The following DENND6B variants were observed in gnomAD, a reference collection of about 807,000 sequenced individuals.
DENND6B encodes the protein DENN domain containing 6B.
In DENND6B, 73 loss-of-function variants were observed where a neutral mutation model predicts 85.1. The ratio of observed to expected loss-of-function variants is 0.86; its 90% CI spans 0.71 to 1.04. DENND6B has a LOEUF of 1.04. Among genes scored for constraint, DENND6B ranks in the 50% least tolerant of loss-of-function variants. The pLI is 0.00. For synonymous variants in DENND6B, 357 were observed against 329.3 expected (o/e 1.08, Z -0.91); for missense variants, 715 against 785.8 (o/e 0.91, Z 1.08).
At chr22:50,313,308 C>T in intron 16 of DENND6B, 138 bp downstream of exon 16, 1 of 1,285,550 alleles carries the variant, frequency 7.8e-7, no homozygotes, top group Non-Finnish European at 1.1e-6. Flanking sequence ...CCTGTGGCCC[C>T]CAGTTTCACA....
At chr22:50,322,854 T>TA (rs1316620873) in intron 1 of DENND6B, among the ~76,000 whole-genome samples, 4 of 141,168 alleles carry the variant, frequency 2.8e-5, no homozygotes, top group African/African-American at 1.0e-4. Context: ...CCAGCCTTAT[T>TA]TTTTTTTTTT....
chr22:50,314,340 C>CG (rs2041708146), intron 12 of DENND6B, 60 bp downstream of exon 12: 4 of 1,580,724 alleles, frequency 2.5e-6, no homozygotes, highest in Non-Finnish European at 3.4e-6. Flanking sequence ...GGCTCTGAGG[C>CG]GGCCCCACAC....
At chr22:50,318,599 G>T (rs897203775) in intron 3 of DENND6B, among the ~76,000 whole-genome samples, 4 of 152,164 alleles carry the variant, frequency 2.6e-5, no homozygotes, top group African/African-American at 9.7e-5. Context: ...ACTGTGTGGG[G>T]TGTAGGAGAC....
At position 50,320,806 on chromosome 22, in the gene DENND6B, G is replaced by C. The variant is rs965200607; in HGVS notation, c.178-1803C>G. ...TCAGGACTCTGCACCTGGTCTGCCA[G>C]TCACAGGAGCCTGTGGCCTCTGAGC... On this transcript the variant is annotated intron_variant, in intron 1 of 19. Coordinates refer to ENST00000413817, the MANE Select transcript of DENND6B (RefSeq NM_001001794.4). 1.3e-5 allele frequency among the ~76,000 whole-genome samples: 2 copies of C among 152,232 alleles called. 1 individual carries two copies. The highest frequency in any genetic ancestry group is 4.1e-4 in the South Asian group (2 of 4,830).
chr22:50,326,760 C>T (rs1448382032), intron 1 of DENND6B, 52 bp downstream of exon 1: 5 of 1,316,258 alleles, frequency 3.8e-6, no homozygotes, highest in South Asian at 2.0e-5. Context: ...GGACTGGCCC[C>T]GAGAGGCGCA....
At chr22:50,315,674 A>G (rs1383975206) in intron 9 of DENND6B, 40 bp downstream of exon 9, 3 of 1,552,528 alleles carry the variant, frequency 1.9e-6, no homozygotes, top group Non-Finnish European at 2.6e-6. Flanking sequence ...ACACACAGTG[A>G]GCTCCTCAAA....
intron 13 of DENND6B, 36 bp from the exon 14 acceptor site, chr22:50,313,914 A>G: frequency 6.3e-7 from 1 of 1,579,300 alleles, no homozygotes; most frequent in South Asian, 1.2e-5. Flanking sequence ...CCACCCTTCA[A>G]GGGCCTCCCT....
At chr22:50,325,600 G>A (rs1438549668) in intron 1 of DENND6B, among the ~76,000 whole-genome samples, 2 of 152,158 alleles carry the variant, frequency 1.3e-5, no homozygotes, top group African/African-American at 2.4e-5. Flanking sequence ...CTCTCAAAGT[G>A]CTGGGATTAC....
rs754468388 is a variant in DENND6B, at chr22:50,316,258, G to A, written c.560-5C>T. 2.0e-5 allele frequency: 32 copies of A among 1,596,432 alleles called. No individual in the cohort carries two copies. In the South Asian group the frequency reaches 2.8e-4, roughly 14 times the overall value. ...ACTGGTCGATCTCACTGCACACTGC[G>A]GATGCAGTAGCCCGCATCAGGACCC... is the stretch of plus-strand genomic sequence containing the variant. On this transcript the variant is annotated splice_region_variant and splice_polypyrimidine_tract_variant and intron_variant, in intron 6 of 19. Coordinates refer to ENST00000413817, the MANE Select transcript of DENND6B (RefSeq NM_001001794.4).
chr22:50,322,852 A>T (rs141923636), intron 1 of DENND6B, among the ~76,000 whole-genome samples: 8 of 140,816 alleles, frequency 5.7e-5, no homozygotes, highest in Admixed American at 3.6e-4. Context: ...GCCCAGCCTT[A>T]TTTTTTTTTT....
chr22:50,313,375 C>A, intron 16 of DENND6B, 71 bp downstream of exon 16: 2 of 1,513,728 alleles, frequency 1.3e-6, no homozygotes, highest in Non-Finnish European at 8.9e-7. Context: ...CTGCTCCAGA[C>A]CTTCCCTCCT....
intron 1 of DENND6B, among the ~76,000 whole-genome samples, chr22:50,322,718 T>C (rs1471822778): frequency 1.3e-5 from 2 of 152,024 alleles, no homozygotes; most frequent in African/African-American, 2.4e-5. Context: ...GGCTAATTTT[T>C]TGTATTTTTA....
Position 50,310,181 on chromosome 22 carries a change from T to C in DENND6B, c.*1958A>G, listed in dbSNP as rs535633439. Reference sequence around the variant, plus strand: ...CTCAGTGGGGAGGCTGGTCCCCCTGTGCTACAGTCAGGAGGCCCAAGCTGC... The same window carrying C: ...CTCAGTGGGGAGGCTGGTCCCCCTGCGCTACAGTCAGGAGGCCCAAGCTGC... On this transcript the variant is annotated 3_prime_UTR_variant, in exon 20 of 20. Transcript: ENST00000413817. 8 of 152,368 alleles carry C rather than the reference T, an allele frequency of 5.3e-5. No homozygotes were observed. The East Asian group carries it at 1.5e-3, about 29-fold the overall frequency. The allele number at this position is 152,368 out of a possible 1,614,324, so 9.4% of individuals were successfully genotyped here. A position where few individuals can be genotyped will look rare whatever the true frequency, so the allele number is the denominator to read the frequency against.
intron 9 of DENND6B, 101 bp downstream of exon 9, chr22:50,315,613 C>G: frequency 7.4e-7 from 1 of 1,346,664 alleles, no homozygotes; most frequent in Non-Finnish European, 1.0e-6. Flanking sequence ...CAGACACACA[C>G]GCACACACAT....
At chr22:50,315,635 G>T in intron 9 of DENND6B, 79 bp downstream of exon 9, 2 of 1,460,906 alleles carry the variant, frequency 1.4e-6, no homozygotes, top group Non-Finnish European at 9.3e-7. Context: ...CTCACACACA[G>T]ATGCACACAT....
At chr22:50,318,513 C>T (rs557903031) in intron 3 of DENND6B, among the ~76,000 whole-genome samples, 1 of 152,192 alleles carries the variant, frequency 6.6e-6, no homozygotes, top group Non-Finnish European at 1.5e-5. Context: ...GATAGAAAAC[C>T]AGGCACCAGA....
chr22:50,313,751 T>C (rs760497361), intron 14 of DENND6B, 27 bp from the exon 15 acceptor site: 5 of 1,606,560 alleles, frequency 3.1e-6, no homozygotes, highest in Admixed American at 3.4e-5. Context: ...GCCAGGCCCT[T>C]GCTGCGCTTC....
Position 50,319,056 on chromosome 22 carries a change from C to G in DENND6B, c.178-53G>C, listed in dbSNP as rs777866201. On this transcript the variant is annotated intron_variant, in intron 1 of 19. Coordinates refer to ENST00000413817, the MANE Select transcript of DENND6B (RefSeq NM_001001794.4). ...ACACCATCTGTCCGAGGAGGCGACA[C>G]CCCTCGACAGCATCTGCTGGACTGT... is the stretch of plus-strand genomic sequence containing the variant. The G allele has an allele frequency of 2.6e-6, 4 of 1,557,428 alleles. No individual in the cohort carries two copies. In the African/African-American group the frequency reaches 5.5e-5, roughly 21 times the overall value.
intron 11 of DENND6B, 32 bp from the exon 12 acceptor site, chr22:50,314,526 A>T (rs773196671): frequency 6.4e-7 from 1 of 1,554,504 alleles, no homozygotes; most frequent in Non-Finnish European, 8.7e-7. Flanking sequence ...AGAGGCAGAG[A>T]CAGAGGTCCA....
Sources: gnomAD v4.1 joint callset for allele counts (sites outside exome capture counted in the v4.1 genomes callset) on GRCh38, gnomAD v4.1.1 for gene constraint, MANE v1.5 for transcripts, NCBI Gene and HGNC (gene_info 2026-07-23, HGNC 2026-07-21) for gene names.